The following GPC5 variants were observed in gnomAD, a reference collection of about 807,000 sequenced individuals.
GPC5 encodes the protein glypican-5.
Under a neutral mutation model 53.9 loss-of-function variants are expected in GPC5, and 47 were observed. The observed-to-expected ratio is 0.87, with a 90% CI of 0.69 to 1.11. The LOEUF (loss-of-function observed/expected upper bound fraction) is 1.11. Among genes scored for constraint, GPC5 ranks in the 50% most tolerant of loss-of-function variants. The pLI is 0.00. For synonymous variants in GPC5, 286 were observed against 263.3 expected (o/e 1.09, Z -0.84); for missense variants, 748 against 713.1 (o/e 1.05, Z -0.56).
chr13:91,954,722 A>G (rs568614837), intron 6 of GPC5, among the ~76,000 whole-genome samples: 3 of 152,236 alleles, frequency 2.0e-5, no homozygotes, highest in African/African-American at 7.2e-5. Flanking sequence ...TCTGTTCCAT[A>G]ATTACTGTAG....
intron 6 of GPC5, among the ~76,000 whole-genome samples, chr13:92,131,226 T>G (rs1456720887): frequency 6.6e-6 from 1 of 151,976 alleles, no homozygotes; most frequent in Non-Finnish European, 1.5e-5. Flanking sequence ...TCTTATAGAC[T>G]GTTATGTGAA....
At chr13:92,294,697 A>T (rs570732854) in intron 7 of GPC5, among the ~76,000 whole-genome samples, 4 of 150,110 alleles carry the variant, frequency 2.7e-5, no homozygotes, top group South Asian at 2.1e-4. Context: ...AATTTCACTT[A>T]ATTCTGCTCT....
intron 5 of GPC5, among the ~76,000 whole-genome samples, chr13:91,870,387 A>G (rs1053110138): frequency 2.0e-5 from 3 of 152,178 alleles, no homozygotes; most frequent in African/African-American, 4.8e-5. Context: ...GTAAGTTAAT[A>G]TTTAAAATAT....
chr13:92,113,650 C>T (rs573530842), intron 6 of GPC5, among the ~76,000 whole-genome samples: 3 of 152,128 alleles, frequency 2.0e-5, no homozygotes, highest in South Asian at 4.1e-4. Flanking sequence ...AGAGACCCTC[C>T]AGAAATACCA....
At chr13:91,693,967 T>C in intron 3 of GPC5, 86 bp downstream of exon 3, 1 of 1,003,596 alleles carries the variant, frequency 1.0e-6, no homozygotes, top group Non-Finnish European at 1.5e-6. Context: ...TAGGAGAATG[T>C]GTCTGTTGAT....
At chr13:92,447,757 G>A (rs1043203656) in intron 7 of GPC5, 2 of 151,996 alleles carry the variant, frequency 1.3e-5, no homozygotes, top group Non-Finnish European at 2.9e-5. Context: ...CTGATTACCA[G>A]GAAAAAAAGG....
intron 7 of GPC5, among the ~76,000 whole-genome samples, chr13:92,758,450 A>G (rs1875003898): frequency 6.6e-6 from 1 of 152,066 alleles, no homozygotes; most frequent in African/African-American, 2.4e-5. Flanking sequence ...CAATGTGCAC[A>G]TGTACCCTAA....
intron 7 of GPC5, among the ~76,000 whole-genome samples, chr13:92,450,802 C>A (rs1878030172): frequency 6.6e-6 from 1 of 152,164 alleles, no homozygotes; most frequent in African/African-American, 2.4e-5. Flanking sequence ...GTCTCTGTGT[C>A]TCCAGGACCA....
intron 7 of GPC5, among the ~76,000 whole-genome samples, chr13:92,567,651 G>A (rs1236021141): frequency 1.3e-5 from 2 of 152,086 alleles, no homozygotes; most frequent in African/African-American, 4.8e-5. Context: ...GATACTAGAG[G>A]AAGGGGCCCA....
At chr13:92,346,645 A>G (rs1489319980) in intron 7 of GPC5, among the ~76,000 whole-genome samples, 1 of 152,214 alleles carries the variant, frequency 6.6e-6, no homozygotes, top group Non-Finnish European at 1.5e-5. Context: ...CACAAGGATT[A>G]TGAAGAATTA....
intron 5 of GPC5, among the ~76,000 whole-genome samples, chr13:91,758,893 T>A (rs2138648738): frequency 6.6e-6 from 1 of 152,240 alleles, no homozygotes; most frequent in East Asian, 1.9e-4. Context: ...TTTCCCTTTC[T>A]TGAGCACATC....
Position 92,866,490 on chromosome 13 carries a change from C to G in GPC5, c.*51C>G, listed in dbSNP as rs777318150. 3.2e-5 allele frequency: 45 copies of G among 1,405,188 alleles called. No individual in the cohort carries two copies. Among genetic ancestry groups the G allele is most frequent in the African/African-American group, 8.6e-5 (6 of 69,582 alleles). The allele number at this position is 1,405,188 out of a possible 1,614,324, so 87.0% of individuals were successfully genotyped here. ...TTACTGAAGTCTCGATTTCTTCTCTCTCTGCATATGCCTGGAATAAGAGAT... is the reference window on the plus strand; with the variant it reads ...TTACTGAAGTCTCGATTTCTTCTCTGTCTGCATATGCCTGGAATAAGAGAT... On this transcript the variant is annotated 3_prime_UTR_variant, in exon 8 of 8. Transcript: ENST00000377067.
At chr13:92,557,765 C>T (rs1882549514) in intron 7 of GPC5, among the ~76,000 whole-genome samples, 1 of 151,878 alleles carries the variant, frequency 6.6e-6, no homozygotes, top group South Asian at 2.1e-4. Context: ...CAGGAATCAA[C>T]TCCCCTGGCA....
chr13:92,820,969 C>T (rs1268569599), intron 7 of GPC5, among the ~76,000 whole-genome samples: 1 of 152,126 alleles, frequency 6.6e-6, no homozygotes. Context: ...ACATTTGACT[C>T]TTGACTCCAG....
At chr13:91,477,079 A>G (rs1203311262) in intron 2 of GPC5, among the ~76,000 whole-genome samples, 2 of 152,184 alleles carry the variant, frequency 1.3e-5, no homozygotes, top group Admixed American at 6.5e-5. Context: ...ATGTGAAAGG[A>G]TATATATTCA....
At chr13:92,473,191 T>C (rs1411878461) in intron 7 of GPC5, among the ~76,000 whole-genome samples, 1 of 152,112 alleles carries the variant, frequency 6.6e-6, no homozygotes, top group Non-Finnish European at 1.5e-5. Flanking sequence ...TTTATAATAT[T>C]TTTGCAAGTT....
intron 5 of GPC5, among the ~76,000 whole-genome samples, chr13:91,796,846 A>G (rs2038054594): frequency 6.6e-6 from 1 of 151,972 alleles, no homozygotes; most frequent in Non-Finnish European, 1.5e-5. Context: ...AAAGAGTTTG[A>G]CTTGATATTT....
At chr13:92,059,013 T>C (rs1247928021) in intron 6 of GPC5, among the ~76,000 whole-genome samples, 2 of 152,208 alleles carry the variant, frequency 1.3e-5, no homozygotes, top group Non-Finnish European at 2.9e-5. Context: ...AAAACTTGAA[T>C]TACCTTGCTC....
chr13:92,539,165 A>G (rs1414852636), intron 7 of GPC5, among the ~76,000 whole-genome samples: 1 of 151,298 alleles, frequency 6.6e-6, no homozygotes, highest in African/African-American at 2.4e-5. Flanking sequence ...AGAATGATTT[A>G]TAATCCTTTG....
Sources: gnomAD v4.1 joint callset for allele counts (sites outside exome capture counted in the v4.1 genomes callset) on GRCh38, gnomAD v4.1.1 for gene constraint, MANE v1.5 for transcripts, NCBI Gene and HGNC (gene_info 2026-07-23, HGNC 2026-07-21) for gene names.